NTRK2: variants seen among roughly 807,000 people sequenced by gnomAD.
The protein encoded by NTRK2 is neurotrophic receptor tyrosine kinase 2.
A neutral mutation model predicts 94.5 loss-of-function variants in NTRK2; 13 were observed. The ratio of observed to expected loss-of-function variants is 0.14; its 90% confidence interval spans 0.09 to 0.22. The LOEUF is 0.22. Ranked by LOEUF, NTRK2 falls within the 10% of genes least tolerant of loss-of-function variation. NTRK2 has a pLI of 1.00. For missense variants in NTRK2, 639 were observed against 1,071.2 expected (o/e 0.60, Z 5.63); for synonymous variants, 372 against 407.4 (o/e 0.91, Z 1.05).
At chr9:84,948,262 C>A (rs1564492042) in intron 15 of NTRK2, among the ~76,000 whole-genome samples, 200 bp from the exon 16 acceptor site, 1 of 152,142 alleles carries the variant, frequency 6.6e-6, no homozygotes, top group Non-Finnish European at 1.5e-5. Context: ...AATGAGAGAA[C>A]CTCTGTGAAA....
At chr9:84,920,791 C>A (rs1216751777) in intron 14 of NTRK2, among the ~76,000 whole-genome samples, 1 of 152,144 alleles carries the variant, frequency 6.6e-6, no homozygotes. Context: ...TCTTCAATAC[C>A]TTTCTAAGGA....
chr9:84,708,327 A>C (rs2061234208), intron 5 of NTRK2, among the ~76,000 whole-genome samples: 1 of 152,064 alleles, frequency 6.6e-6, no homozygotes, highest in South Asian at 2.1e-4. Context: ...AATGGGCAAA[A>C]CTCTGCTCAC....
At chr9:84,943,729 G>C (rs2078492641) in intron 15 of NTRK2, among the ~76,000 whole-genome samples, 1 of 152,150 alleles carries the variant, frequency 6.6e-6, no homozygotes, top group African/African-American at 2.4e-5. Context: ...AACCAGCCAA[G>C]CCTTGCATAA....
At chr9:85,005,431 C>T (rs7045234) in intron 17 of NTRK2, among the ~76,000 whole-genome samples, 110,927 of 151,912 alleles carry the variant, frequency 0.73, 41,144 homozygotes, top group African/African-American at 0.82. Context: ...ACTTAGTAAA[C>T]GGTAATGAAA....
rs12555177 is a variant in NTRK2 at position 84,780,023 on chromosome 9, G to A, written c.1396+27938G>A. 8.1e-3 allele frequency among the ~76,000 whole-genome samples: 1,225 copies of A among 152,004 alleles called. 20 individuals are homozygous for A. The highest frequency in any genetic ancestry group is 0.044 in the East Asian group (227 of 5,180). On this transcript the variant is annotated intron_variant, in intron 12 of 18. Coordinates refer to ENST00000277120, the MANE Select transcript of NTRK2 (RefSeq NM_006180.6). ...CTAGCCTTTATGATTAGAAAATAAG[G>A]CATTATAATGGGACTCTGCGGTTTT...
intron 17 of NTRK2, among the ~76,000 whole-genome samples, chr9:84,981,657 A>T (rs1827639598): frequency 6.6e-6 from 1 of 152,190 alleles, no homozygotes; most frequent in South Asian, 2.1e-4. Flanking sequence ...TGATACTTAC[A>T]TGTTCTTGTT....
chr9:84,969,806 C>A (rs750781569), intron 17 of NTRK2, among the ~76,000 whole-genome samples: 11 of 152,192 alleles, frequency 7.2e-5, no homozygotes, highest in Non-Finnish European at 1.2e-4. Flanking sequence ...CCTGTGAATT[C>A]TATCCATGGA....
At chr9:84,813,929 C>T in intron 12 of NTRK2, 1 of 1,065,430 alleles carries the variant, frequency 9.4e-7, no homozygotes, top group South Asian at 4.5e-5. Flanking sequence ...GGCTGCTGAG[C>T]TAGACTAAGG....
At chr9:84,976,188 CTGG>C (rs1171183478) in intron 17 of NTRK2, among the ~76,000 whole-genome samples, 1 of 152,180 alleles carries the variant, frequency 6.6e-6, no homozygotes, top group East Asian at 1.9e-4. Context: ...TCTCACACCC[CTGG>C]AGGCTAGAAG....
intron 11 of NTRK2, 107 bp downstream of exon 11, chr9:84,745,180 A>G: frequency 1.4e-6 from 1 of 698,616 alleles, no homozygotes; most frequent in South Asian, 1.5e-5. Flanking sequence ...TCAGATATAA[A>G]TAGGGTGTTA....
At chr9:84,742,058 T>C in intron 10 of NTRK2, 131 bp downstream of exon 10, 1 of 790,178 alleles carries the variant, frequency 1.3e-6, no homozygotes, top group Non-Finnish European at 2.1e-6. Flanking sequence ...GCCAAAATAG[T>C]ATTTCAAAAA....
chr9:84,876,340 C>T, intron 14 of NTRK2: 2 of 1,050,980 alleles, frequency 1.9e-6, no homozygotes, highest in Non-Finnish European at 2.3e-6. Context: ...AGAGATGGCA[C>T]CACTAAGCAG....
intron 17 of NTRK2, among the ~76,000 whole-genome samples, chr9:84,985,786 G>C (rs142262310): frequency 6.6e-6 from 1 of 152,178 alleles, no homozygotes; most frequent in East Asian, 1.9e-4. Context: ...TTAAGGCTCC[G>C]TGTTAAGACA....
At chr9:84,760,011 T>C (rs2065411359) in intron 12 of NTRK2, among the ~76,000 whole-genome samples, 1 of 152,208 alleles carries the variant, frequency 6.6e-6, no homozygotes, top group Non-Finnish European at 1.5e-5. Context: ...ATCAGCAGAA[T>C]TGTCACGTGG....
At chr9:84,867,156 C>A in intron 13 of NTRK2, 87 bp from the exon 14 acceptor site, 1 of 1,316,946 alleles carries the variant, frequency 7.6e-7, no homozygotes, top group Non-Finnish European at 1.1e-6. Flanking sequence ...GAATTGTATA[C>A]TTTAAATGGG....
At chr9:84,743,966 A>G (rs893362373) in intron 10 of NTRK2, among the ~76,000 whole-genome samples, 7 of 152,240 alleles carry the variant, frequency 4.6e-5, no homozygotes, top group African/African-American at 1.7e-4. Flanking sequence ...TGCTAATAAA[A>G]ATACAATTTA....
intron 17 of NTRK2, among the ~76,000 whole-genome samples, chr9:84,993,794 T>C (rs573341776): frequency 6.6e-6 from 1 of 152,296 alleles, no homozygotes; most frequent in African/African-American, 2.4e-5. Flanking sequence ...TCAAACACAC[T>C]TTGCACCTCT....
chr9:84,736,579 AG>A (rs1358802820), intron 9 of NTRK2, among the ~76,000 whole-genome samples: 2 of 152,276 alleles, frequency 1.3e-5, no homozygotes, highest in African/African-American at 4.8e-5. Flanking sequence ...CTTGTCCTGG[AG>A]GTGAAGGAGA....
intron 14 of NTRK2, among the ~76,000 whole-genome samples, chr9:84,878,728 C>G (rs2076164459): frequency 6.6e-6 from 1 of 151,920 alleles, no homozygotes; most frequent in Non-Finnish European, 1.5e-5. Flanking sequence ...TAATTTATCT[C>G]AATAACTGGA....
Sources: gnomAD v4.1 joint callset for allele counts (sites outside exome capture counted in the v4.1 genomes callset) on GRCh38, gnomAD v4.1.1 for gene constraint, MANE v1.5 for transcripts, NCBI Gene and HGNC (gene_info 2026-07-23, HGNC 2026-07-21) for gene names.